RIF1: variants seen among roughly 807,000 people sequenced by gnomAD.
RIF1 encodes the protein telomere-associated protein RIF1.
In RIF1, 45 loss-of-function variants were observed where a neutral mutation model predicts 247.1. The observed-to-expected ratio is 0.18, with a 90% CI of 0.14 to 0.23. The LOEUF is 0.23. Ranked by LOEUF, RIF1 falls within the 10% of genes least tolerant of loss-of-function variation. The pLI, the probability that RIF1 is intolerant of heterozygous loss-of-function variation, is 1.00. For synonymous variants in RIF1, 1,087 were observed against 978.8 expected, an observed-to-expected ratio of 1.11 and a Z score of -2.06; for missense variants, 2,967 against 2,862.5, an observed-to-expected ratio of 1.04 and a Z score of -0.83.
chr2:151,439,282 A>G (rs550338128), intron 14 of RIF1, among the ~76,000 whole-genome samples: 1 of 152,314 alleles, frequency 6.6e-6, no homozygotes, highest in African/African-American at 2.4e-5. Flanking sequence ...GTGTCGTTCA[A>G]GGGTCAACTG....
At chr2:151,471,863 C>T (rs1020732674) in intron 34 of RIF1, among the ~76,000 whole-genome samples, 46 of 151,958 alleles carry the variant, frequency 3.0e-4, no homozygotes, top group African/African-American at 1.1e-3. Flanking sequence ...GCTCTTTTTT[C>T]GTTGCATATG....
chr2:151,495,692 C>T lies in RIF1; in HGVS notation c.*513+366C>T, dbSNP rs139812390. 1.9e-3 allele frequency among the ~76,000 whole-genome samples: 286 copies of T among 152,068 alleles called. 3 individuals carry two copies. The highest frequency in any genetic ancestry group is 6.2e-3 in the African/African-American group (257 of 41,476). ...AACAACAACAACAACAAACAAAAAA[C>T]GAAAACTGGTAAAACAAAAAGCCAT... is the stretch of plus-strand genomic sequence containing the variant. On this transcript the variant is annotated intron_variant and NMD_transcript_variant, in intron 10 of 13. Transcript: ENST00000454583.
intron 7 of RIF1, among the ~76,000 whole-genome samples, chr2:151,421,563 A>G (rs1688168063): frequency 6.6e-6 from 1 of 152,176 alleles, no homozygotes; most frequent in African/African-American, 2.4e-5. Flanking sequence ...ATGGAAAGCC[A>G]TATTTGAAGG....
At chr2:151,496,854 AG>A in intron 10 of RIF1, 1 of 1,388,824 alleles carries the variant, frequency 7.2e-7, no homozygotes, top group South Asian at 1.4e-5. Context: ...ATTTGTCTTT[AG>A]AAAATAGGAT....
chr2:151,490,655 A>C, intron 9 of RIF1: 6 of 1,042,560 alleles, frequency 5.8e-6, no homozygotes, highest in Non-Finnish European at 8.3e-6. Flanking sequence ...TCAAACCCTC[A>C]CAGTTATTCT....
chr2:151,506,420 G>A, intron 13 of RIF1: 1 of 610,360 alleles, frequency 1.6e-6, no homozygotes, highest in Non-Finnish European at 2.9e-6. Flanking sequence ...GTCAGTATCA[G>A]TGACTCAGAC....
chr2:151,503,430 T>C lies in RIF1; in HGVS notation c.*861+245T>C, dbSNP rs750445824. 5 of 1,607,666 alleles carry C rather than the reference T, an allele frequency of 3.1e-6. No individual in the cohort carries two copies. In the Admixed American group the frequency reaches 8.3e-5, roughly 27 times the overall value. ...TTGGAATGCCTGTTCCCAAGTTTTC[T>C]TTGTACATAACCTGTAGAAAATAAT... is the stretch of plus-strand genomic sequence containing the variant. On this transcript the variant is annotated intron_variant and NMD_transcript_variant, in intron 12 of 13. Transcript: ENST00000454583.
intron 10 of RIF1, among the ~76,000 whole-genome samples, chr2:151,434,001 G>A (rs1690670450): frequency 6.6e-6 from 1 of 151,700 alleles, no homozygotes; most frequent in Non-Finnish European, 1.5e-5. Flanking sequence ...GTGAAACCCC[G>A]TGTCTACTAA....
Position 151,410,412 on chromosome 2 carries a change from A to G in RIF1, c.-10-2A>G. ...TTTCTCCTCTTCCGGTTCGGGCCTC[A>G]GGGTGGCCGACATGACGGCCAGGGG... On this transcript the variant is annotated splice_acceptor_variant, in intron 1 of 35. Coordinates refer to ENST00000444746, the MANE Select transcript of RIF1 (RefSeq NM_018151.5). LOFTEE classifies it low-confidence loss of function (5UTR_SPLICE). The G allele has an allele frequency of 6.2e-7, 1 of 1,610,800 alleles. No individual in the cohort carries two copies. The highest frequency in any genetic ancestry group is 8.5e-7 in the Non-Finnish European group (1 of 1,178,188).
At chr2:151,456,203 T>C (rs1217173559) in intron 22 of RIF1, among the ~76,000 whole-genome samples, 1 of 152,236 alleles carries the variant, frequency 6.6e-6, no homozygotes, top group East Asian at 1.9e-4. Context: ...TTTCATAAAT[T>C]AACAAAGTTT....
rs191770460 is a variant in RIF1, at chr2:151,457,337, C to T, written c.2653-424C>T. Among the ~76,000 whole-genome samples, 14 of 152,074 alleles carry T rather than the reference C, an allele frequency of 9.2e-5. No homozygotes were observed. In the East Asian group the frequency reaches 1.2e-3, roughly 13 times the overall value. On this transcript the variant is annotated intron_variant, in intron 23 of 35. Coordinates refer to ENST00000444746, the MANE Select transcript of RIF1 (RefSeq NM_018151.5). Reference sequence around the variant, plus strand: ...GGGGTTTTGCCATGTTGCTCAGGCTCGTCTCAAATTCCTGAGCTCAAGCAG... The same window carrying T: ...GGGGTTTTGCCATGTTGCTCAGGCTTGTCTCAAATTCCTGAGCTCAAGCAG...
At chr2:151,500,399 T>C (rs1019929030) in intron 11 of RIF1, among the ~76,000 whole-genome samples, 8 of 148,282 alleles carry the variant, frequency 5.4e-5, no homozygotes, top group African/African-American at 1.7e-4. Flanking sequence ...GGTCTTGATA[T>C]AGAAGCTTCA....
intron 9 of RIF1, chr2:151,490,074 TAAGCTGAAAAA>T (rs753976426): frequency 6.2e-7 from 1 of 1,603,404 alleles, no homozygotes; most frequent in Non-Finnish European, 8.5e-7. Context: ...TGCATGTTTG[TAAGCTGAAAAA>T]AAGGGGGCAA....
chr2:151,488,542 TG>T (rs1369492228), intron 9 of RIF1, among the ~76,000 whole-genome samples: 1 of 151,440 alleles, frequency 6.6e-6, no homozygotes, highest in Non-Finnish European at 1.5e-5. Context: ...GCTATTCTGG[TG>T]GCTGAGGCTG....
chr2:151,516,590 T>A, the RIF1 span: 1 of 1,437,652 alleles, frequency 7.0e-7, no homozygotes, highest in South Asian at 1.2e-5. Context: ...ATGTTAGATA[T>A]CTCTCCTCTG....
chr2:151,482,416 C>CTGT (rs566416682), downstream of RIF1, among the ~76,000 whole-genome samples: 304 of 151,984 alleles, frequency 2.0e-3, no homozygotes, highest in African/African-American at 6.3e-3. Context: ...GGTGGTTTTT[C>CTGT]TGTTGTTGTT....
the RIF1 span, chr2:151,531,970 A>G: frequency 1.2e-6 from 1 of 861,008 alleles, no homozygotes; most frequent in Non-Finnish European, 1.9e-6. Flanking sequence ...TGTCCTCTTG[A>G]AACACCAGAG....
At chr2:151,441,756 ATG>A (rs1482163105) in intron 15 of RIF1, 147 bp from the exon 16 acceptor site, 1 of 438,970 alleles carries the variant, frequency 2.3e-6, no homozygotes, top group African/African-American at 2.1e-5. Context: ...TAGTGAATGA[ATG>A]TATTTGATCT....
At chr2:151,410,126 G>T (rs1309931045) in intron 1 of RIF1, 93 bp downstream of exon 1, 2 of 682,404 alleles carry the variant, frequency 2.9e-6, no homozygotes, top group East Asian at 2.7e-5. Context: ...CTCGTTCCCC[G>T]GGCTTCTCCC....
Sources: gnomAD v4.1 joint callset for allele counts (sites outside exome capture counted in the v4.1 genomes callset) on GRCh38, gnomAD v4.1.1 for gene constraint, MANE v1.5 for transcripts, NCBI Gene and HGNC (gene_info 2026-07-23, HGNC 2026-07-21) for gene names.